PARVB: variants seen among roughly 807,000 people sequenced by gnomAD.
PARVB encodes the protein beta-parvin.
A neutral mutation model predicts 47.0 loss-of-function variants in PARVB; 46 were observed. The ratio of observed to expected loss-of-function variants is 0.98; its 90% CI spans 0.77 to 1.25. PARVB has a LOEUF of 1.25. Ranked by LOEUF, PARVB falls within the 50% of genes most tolerant of loss-of-function variation. PARVB has a pLI of 0.00. For missense variants in PARVB, 473 were observed against 471.6 expected (o/e 1.00, Z -0.03); for synonymous variants, 196 against 196.3 (o/e 1.00, Z 0.01).
At chr22:44,118,276 C>T (rs1037875003) in intron 3 of PARVB, among the ~76,000 whole-genome samples, 3 of 152,214 alleles carry the variant, frequency 2.0e-5, no homozygotes, top group South Asian at 4.1e-4. Flanking sequence ...ACCTTGAAAA[C>T]ATGCTCAGTG....
intron 1 of PARVB, chr22:43,999,468 C>A: frequency 6.4e-7 from 1 of 1,565,588 alleles, no homozygotes; most frequent in South Asian, 1.1e-5. Context: ...ACTCAGAAGT[C>A]CAAATTTCTA....
At chr22:44,131,671 C>T (rs190208411) in intron 5 of PARVB, 44 bp downstream of exon 5, 15 of 1,552,128 alleles carry the variant, frequency 9.7e-6, no homozygotes, top group East Asian at 4.5e-5. Flanking sequence ...GGAGGGAGCC[C>T]GTCCTCTCGA....
intron 1 of PARVB, among the ~76,000 whole-genome samples, chr22:44,056,153 G>A (rs145427348): frequency 7.4e-4 from 112 of 152,348 alleles, no homozygotes; most frequent in African/African-American, 2.6e-3. Flanking sequence ...CGTGCGTGCT[G>A]TCCTATGACT....
At chr22:44,105,165 T>A (rs1300183251) in intron 3 of PARVB, 2 of 152,258 alleles carry the variant, frequency 1.3e-5, no homozygotes, top group African/African-American at 4.8e-5. Context: ...ACTGTCCACA[T>A]GGCTCATCTG....
At chr22:44,151,397 G>T (rs1252169588) in intron 9 of PARVB, 86 bp from the exon 10 acceptor site, 2 of 951,012 alleles carry the variant, frequency 2.1e-6, no homozygotes, top group African/African-American at 3.2e-5. Context: ...CACAGAGCTG[G>T]GGCTGGCAAA....
chr22:44,042,983 C>T (rs184282638), intron 1 of PARVB, among the ~76,000 whole-genome samples: 31 of 152,192 alleles, frequency 2.0e-4, no homozygotes, highest in Admixed American at 1.0e-3. Flanking sequence ...CTGTGGTTGC[C>T]GTGGAGTGGA....
chr22:44,091,102 A>G lies in PARVB; in HGVS notation c.113-2826A>G, dbSNP rs543103873. Among the ~76,000 whole-genome samples the G allele has an allele frequency of 2.0e-5, 3 of 152,136 alleles. No individual in the cohort carries two copies. In the South Asian group the frequency reaches 6.2e-4, roughly 32 times the overall value. On this transcript the variant is annotated intron_variant, in intron 1 of 12. Coordinates refer to ENST00000338758, the MANE Select transcript of PARVB (RefSeq NM_013327.5). ...CTATGTCTGTATCATTTCCCTGTGA[A>G]GGTATTTAACATTTGTCCACTGCTG...
At chr22:44,152,726 G>A (rs552533497) in intron 10 of PARVB, 6 of 152,132 alleles carry the variant, frequency 3.9e-5, no homozygotes, top group South Asian at 2.1e-4. Context: ...TGGGCACTCC[G>A]AGAGCATTAA....
intron 1 of PARVB, among the ~76,000 whole-genome samples, chr22:44,048,521 A>G (rs2146933255): frequency 6.6e-6 from 1 of 151,528 alleles, no homozygotes; most frequent in African/African-American, 2.4e-5. Context: ...ACAGGTGCCC[A>G]CCACCATGCC....
chr22:44,107,839 C>T (rs11703409), intron 3 of PARVB: 40,764 of 151,878 alleles, frequency 0.27, 5,607 homozygotes, highest in East Asian at 0.41. Flanking sequence ...AAACTCTGTC[C>T]TGTGCAGTGT....
rs1290895064 is a variant in PARVB, at chr22:44,034,763, T to G, written c.112+10312T>G. 2.1e-5 allele frequency among the ~76,000 whole-genome samples: 3 copies of G among 143,074 alleles called. No individual in the cohort carries two copies. In the East Asian group the frequency reaches 6.1e-4, roughly 29 times the overall value. 93.9% of individuals were successfully genotyped at this position (143,074 alleles called of 152,430 possible). ...TTTCGCTCTTGTCACTAGGCTGGAGTGCAGTGGTGCAATCTTGGCTCACTG... is the reference window on the plus strand; with the variant it reads ...TTTCGCTCTTGTCACTAGGCTGGAGGGCAGTGGTGCAATCTTGGCTCACTG... On this transcript the variant is annotated intron_variant, in intron 1 of 12. Coordinates refer to ENST00000338758, the MANE Select transcript of PARVB (RefSeq NM_013327.5).
chr22:44,021,242 C>T (rs1426251485), upstream of PARVB, among the ~76,000 whole-genome samples: 7 of 152,186 alleles, frequency 4.6e-5, no homozygotes, highest in Non-Finnish European at 5.9e-5. Context: ...TCCTCCTGGG[C>T]GGGAGGCTGG....
intron 2 of PARVB, among the ~76,000 whole-genome samples, chr22:44,004,549 G>T (rs2050445142): frequency 6.6e-6 from 1 of 151,992 alleles, no homozygotes; most frequent in African/African-American, 2.4e-5. Context: ...ATGGCTGCAG[G>T]GTCACAAGAC....
At chr22:44,075,228 G>T (rs751091709) in intron 1 of PARVB, among the ~76,000 whole-genome samples, 3 of 152,170 alleles carry the variant, frequency 2.0e-5, no homozygotes, top group African/African-American at 7.2e-5. Flanking sequence ...ACACAAACAC[G>T]CACGCACATG....
At chr22:44,127,011 G>C (rs1265052627) in intron 4 of PARVB, among the ~76,000 whole-genome samples, 2 of 152,170 alleles carry the variant, frequency 1.3e-5, no homozygotes, top group Admixed American at 1.3e-4. Flanking sequence ...CATCCTTTTG[G>C]TTCCCTCTTC....
chr22:44,119,606 A>G (rs2052995462), intron 4 of PARVB, among the ~76,000 whole-genome samples: 1 of 152,128 alleles, frequency 6.6e-6, no homozygotes, highest in Non-Finnish European at 1.5e-5. Context: ...CAGTTTAGTG[A>G]TCTTCCCGGG....
intron 1 of PARVB, among the ~76,000 whole-genome samples, chr22:44,040,959 C>T (rs371007249): frequency 2.0e-4 from 30 of 151,606 alleles, no homozygotes; most frequent in East Asian, 1.6e-3. Flanking sequence ...GCCGAGATCA[C>T]GCCACTGCAC....
At chr22:44,162,172 G>T (rs2054068281) in intron 11 of PARVB, among the ~76,000 whole-genome samples, 1 of 152,222 alleles carries the variant, frequency 6.6e-6, no homozygotes, top group African/African-American at 2.4e-5. Flanking sequence ...ACCCCACACT[G>T]TTTTCCAGTG....
At chr22:44,025,286 C>T (rs938656917) in intron 1 of PARVB, among the ~76,000 whole-genome samples, 1 of 152,068 alleles carries the variant, frequency 6.6e-6, no homozygotes, top group African/African-American at 2.4e-5. Flanking sequence ...TTTCCTTAAA[C>T]CACCTGGGCC....
Sources: gnomAD v4.1 joint callset for allele counts (sites outside exome capture counted in the v4.1 genomes callset) on GRCh38, gnomAD v4.1.1 for gene constraint, MANE v1.5 for transcripts, NCBI Gene and HGNC (gene_info 2026-07-23, HGNC 2026-07-21) for gene names.